Variants in PTPRB observed in about 807,000 individuals in gnomAD.
PTPRB encodes protein tyrosine phosphatase receptor type B, also known as receptor-type tyrosine-protein phosphatase beta.
PTPRB carries 97 observed loss-of-function variants against 238.1 expected under a neutral mutation model. The observed-to-expected ratio is 0.41, with a 90% CI of 0.35 to 0.48. The LOEUF (loss-of-function observed/expected upper bound fraction) is 0.48, where lower values mean the gene tolerates loss of function less well. Ranked by LOEUF, PTPRB falls within the 20% of genes least tolerant of loss-of-function variation. PTPRB has a pLI of 0.30. For synonymous variants in PTPRB, 970 were observed against 995.4 expected (o/e 0.97, Z 0.48); for missense variants, 2,292 against 2,681.9 (o/e 0.85, Z 3.21).
chr12:70,637,120 A>C (rs1028097363), intron 1 of PTPRB, among the ~76,000 whole-genome samples: 2 of 152,162 alleles, frequency 1.3e-5, no homozygotes, highest in African/African-American at 4.8e-5. Flanking sequence ...GGGCTGCCTG[A>C]AGCATTTGGA....
chr12:70,601,794 T>TC (rs1222226231), intron 4 of PTPRB, among the ~76,000 whole-genome samples: 1 of 87,796 alleles, frequency 1.1e-5, no homozygotes, highest in Non-Finnish European at 2.3e-5. Flanking sequence ...TTTTTTCTTT[T>TC]TTTTTTTTTT....
In PTPRB at chr12:70,517,830, AC is replaced by A. The variant is rs1041927062; in HGVS notation, c.*3658del. The A allele has an allele frequency of 2.0e-5, 3 of 152,278 alleles. No individual in the cohort carries two copies. Among genetic ancestry groups the A allele is most frequent in the African/African-American group, 7.2e-5 (3 of 41,560 alleles). The allele number at this position is 152,278 out of a possible 1,614,324, so 9.4% of individuals were successfully genotyped here. A position where few individuals can be genotyped will look rare whatever the true frequency, so the allele number is the denominator to read the frequency against. ...GTAGCTTTATGATTTCAGGATTCCAACCTCAAAGAATTCTTAGAAAGCTAAG... is the reference window on the plus strand; with the variant it reads ...GTAGCTTTATGATTTCAGGATTCCAACTCAAAGAATTCTTAGAAAGCTAAG... On this transcript the variant is annotated 3_prime_UTR_variant, in exon 34 of 34. Coordinates refer to ENST00000334414, the MANE Select transcript of PTPRB (RefSeq NM_001109754.4).
Position 70,521,383 on chromosome 12 carries a change from A to T in PTPRB, c.*106T>A. On this transcript the variant is annotated 3_prime_UTR_variant, in exon 34 of 34. Transcript: ENST00000334414. ...CATTCTCCAGATTAATAAATTATAC[A>T]TAGTATCAACAGAAATAGCTGGCAC... 1 of 700,434 alleles carries T rather than the reference A, an allele frequency of 1.4e-6. No individual in the cohort carries two copies. Among genetic ancestry groups the T allele is most frequent in the Non-Finnish European group, 2.2e-6 (1 of 450,028 alleles). 43.4% of individuals were successfully genotyped at this position (700,434 alleles called of 1,614,324 possible).
At chr12:70,602,899 C>T (rs909618144) in intron 4 of PTPRB, among the ~76,000 whole-genome samples, 1 of 152,104 alleles carries the variant, frequency 6.6e-6, no homozygotes, top group Non-Finnish European at 1.5e-5. Flanking sequence ...GTATATGCAT[C>T]TTAATTTATA....
At chr12:70,637,306 G>A (rs1389807778) in intron 1 of PTPRB, 35 bp downstream of exon 1, 2 of 1,577,272 alleles carry the variant, frequency 1.3e-6, no homozygotes, top group Non-Finnish European at 1.7e-6. Context: ...AGATCTTGAA[G>A]AAATGCCTCA....
chr12:70,552,616 G>A (rs747425007), intron 21 of PTPRB, among the ~76,000 whole-genome samples, 161 bp downstream of exon 21: 11 of 152,118 alleles, frequency 7.2e-5, no homozygotes, highest in Non-Finnish European at 1.3e-4. Flanking sequence ...TGCAAGTGGA[G>A]GCAGGAATCC....
intron 10 of PTPRB, among the ~76,000 whole-genome samples, chr12:70,578,807 G>A (rs189629205): frequency 5.5e-4 from 83 of 152,162 alleles, no homozygotes; most frequent in African/African-American, 1.8e-3. Context: ...ATGGTTCCCC[G>A]ACCATTTCCT....
At position 70,594,603 on chromosome 12, in the gene PTPRB, T is replaced by C. The variant is rs187343206; in HGVS notation, c.1380A>G (p.Leu460=). The C allele has an allele frequency of 1.3e-5, 21 of 1,613,952 alleles. No individual in the cohort carries two copies. In the East Asian group the frequency reaches 4.7e-4, roughly 36 times the overall value. ...YRLMLMDKGI[L]VHGGVVDKHA... Reference sequence around the variant, plus strand: ...GTTTGTCCACAACACCGCCATGAACTAGGATCCCTTTATCCATTAGCATCA... The same window carrying C: ...GTTTGTCCACAACACCGCCATGAACCAGGATCCCTTTATCCATTAGCATCA... The change falls in exon 6 of 34, where the codon CTA becomes CTG. Residue 460 remains leucine (L), a synonymous_variant. Coordinates refer to ENST00000334414, the MANE Select transcript of PTPRB (RefSeq NM_001109754.4).
intron 12 of PTPRB, 43 bp from the exon 13 acceptor site, chr12:70,571,332 CAG>C: frequency 6.7e-7 from 1 of 1,495,516 alleles, no homozygotes; most frequent in Non-Finnish European, 9.2e-7. Flanking sequence ...AGGAACTGAT[CAG>C]AGTTTACCTA....
chr12:70,530,402 C>T (rs1873030556), intron 32 of PTPRB, among the ~76,000 whole-genome samples: 1 of 152,084 alleles, frequency 6.6e-6, no homozygotes, highest in Non-Finnish European at 1.5e-5. Context: ...TGTAATATCA[C>T]ATATGCATAC....
At position 70,518,213 on chromosome 12, in the gene PTPRB, A is replaced by G. The variant is rs900698125; in HGVS notation, c.*3276T>C. ...TTTGGGAGGTTGAGGTGGGTGGATC[A>G]CCTAAGGTCACGAGTTCAAGACCAG... On this transcript the variant is annotated 3_prime_UTR_variant, in exon 34 of 34. Coordinates refer to ENST00000334414, the MANE Select transcript of PTPRB (RefSeq NM_001109754.4). The G allele has an allele frequency of 1.3e-5, 2 of 152,168 alleles. No homozygotes were observed. Among genetic ancestry groups the G allele is most frequent in the Admixed American group, 1.3e-4 (2 of 15,266 alleles). The allele number at this position is 152,168 out of a possible 1,614,324, so 9.4% of individuals were successfully genotyped here. A position where few individuals can be genotyped will look rare whatever the true frequency, so the allele number is the denominator to read the frequency against.
intron 15 of PTPRB, among the ~76,000 whole-genome samples, chr12:70,564,445 G>A (rs2136343666): frequency 6.6e-6 from 1 of 151,866 alleles, no homozygotes; most frequent in South Asian, 2.1e-4. Flanking sequence ...CTTGAACCCA[G>A]GAGGTGGAGG....
At chr12:70,534,009 T>C (rs956746578) in intron 31 of PTPRB, among the ~76,000 whole-genome samples, 2 of 152,194 alleles carry the variant, frequency 1.3e-5, no homozygotes, top group African/African-American at 4.8e-5. Flanking sequence ...GAGGGAAGAT[T>C]AGAAAATAAA....
chr12:70,596,576 CT>C (rs1381215312), intron 4 of PTPRB, among the ~76,000 whole-genome samples: 1 of 149,932 alleles, frequency 6.7e-6, no homozygotes, highest in African/African-American at 2.4e-5. Context: ...TCTACTGAAA[CT>C]TTTTTTGTTG....
At position 70,635,867 on chromosome 12, in the gene PTPRB, G is replaced by A. The variant is rs755694001; in HGVS notation, c.255C>T (p.Asp85=). The change falls in exon 2 of 34, where the codon GAC becomes GAT. Residue 85 remains aspartate, a synonymous_variant. Transcript: ENST00000334414. ...TCCATCGGGGTGCCTGGGAACAGCG[G>A]TCCAAGATGGCTGAGCGGGAGGGGC... ...SRGPSRSAIL[D]RCSQAPRWTC... The A allele has an allele frequency of 2.5e-6, 4 of 1,613,756 alleles. No homozygotes were observed. Among genetic ancestry groups the A allele is most frequent in the Non-Finnish European group, 3.4e-6 (4 of 1,179,808 alleles).
At chr12:70,555,364 CA>C (rs1369953049) in intron 19 of PTPRB, 55 bp from the exon 20 acceptor site, 1 of 1,494,876 alleles carries the variant, frequency 6.7e-7, no homozygotes, top group Non-Finnish European at 9.2e-7. Flanking sequence ...GCTTTCACAG[CA>C]TAAACAACAG....
intron 9 of PTPRB, among the ~76,000 whole-genome samples, chr12:70,585,675 C>G (rs929013559): frequency 5.9e-5 from 9 of 151,896 alleles, no homozygotes; most frequent in African/African-American, 2.2e-4. Context: ...ACTTTAAGTT[C>G]TAGGGTACCT....
chr12:70,597,827 G>T (rs974891065), intron 4 of PTPRB, among the ~76,000 whole-genome samples: 4 of 152,266 alleles, frequency 2.6e-5, no homozygotes, highest in Middle Eastern at 6.8e-3. Flanking sequence ...TCAAAAGGCA[G>T]TTATAAACAG....
chr12:70,606,384 C>G (rs1020800185), intron 4 of PTPRB, among the ~76,000 whole-genome samples: 2 of 152,028 alleles, frequency 1.3e-5, no homozygotes, highest in Non-Finnish European at 2.9e-5. Context: ...ATTTTTTTAT[C>G]CTTAAGGTCG....
Sources: gnomAD v4.1 joint callset for allele counts (sites outside exome capture counted in the v4.1 genomes callset) on GRCh38, gnomAD v4.1.1 for gene constraint, MANE v1.5 for transcripts, NCBI Gene and HGNC (gene_info 2026-07-23, HGNC 2026-07-21) for gene names.